SHB: variants seen among roughly 807,000 people sequenced by gnomAD.
SHB encodes the protein SH2 domain-containing adapter protein B.
SHB carries 20 observed loss-of-function variants against 52.3 expected under a neutral mutation model. The observed-to-expected ratio is 0.38, with a 90% CI of 0.27 to 0.56. The LOEUF is 0.56. SHB is among the 20% of genes least tolerant of loss of function. The pLI, the probability that SHB is intolerant of heterozygous loss-of-function variation, is 0.71. For missense variants in SHB, 825 were observed against 723.3 expected, an observed-to-expected ratio of 1.14 and a Z score of -1.61; for synonymous variants, 397 against 316.5, an observed-to-expected ratio of 1.25 and a Z score of -2.70.
chr9:38,012,413 A>G (rs968008836), intron 2 of SHB, among the ~76,000 whole-genome samples: 15 of 152,274 alleles, frequency 9.9e-5, no homozygotes, highest in African/African-American at 3.4e-4. Flanking sequence ...CCTATACTCC[A>G]AAGGGTAATG....
At chr9:38,029,478 A>G (rs1434074239) in intron 1 of SHB, among the ~76,000 whole-genome samples, 1 of 151,872 alleles carries the variant, frequency 6.6e-6, no homozygotes, top group Non-Finnish European at 1.5e-5. Context: ...TGGGGTTGCT[A>G]TGAGATTTTT....
At chr9:38,030,204 GC>G (rs1242146795) in intron 1 of SHB, among the ~76,000 whole-genome samples, 28 of 152,316 alleles carry the variant, frequency 1.8e-4, no homozygotes, top group Admixed American at 1.6e-3. Context: ...ACCCAACCAA[GC>G]CCACACAGGT....
At chr9:37,996,039 T>G (rs1288548443) in intron 2 of SHB, among the ~76,000 whole-genome samples, 1 of 152,228 alleles carries the variant, frequency 6.6e-6, no homozygotes, top group Non-Finnish European at 1.5e-5. Context: ...TAAAATGAAA[T>G]GTACCAGGGT....
intron 3 of SHB, among the ~76,000 whole-genome samples, chr9:37,972,774 A>G (rs1820606804): frequency 6.6e-6 from 1 of 152,172 alleles, no homozygotes; most frequent in Admixed American, 6.5e-5. Flanking sequence ...ACTGTGAGTA[A>G]TCTGTGTTGG....
intron 5 of SHB, among the ~76,000 whole-genome samples, chr9:37,936,103 C>G (rs1025575708): frequency 6.6e-6 from 1 of 151,714 alleles, no homozygotes; most frequent in African/African-American, 2.4e-5. Flanking sequence ...GTAATCCCAG[C>G]TACTCTGGAG....
At chr9:37,935,051 C>T (rs1207920056) in intron 5 of SHB, among the ~76,000 whole-genome samples, 1 of 152,158 alleles carries the variant, frequency 6.6e-6, no homozygotes, top group Non-Finnish European at 1.5e-5. Context: ...AGGGTTGGAA[C>T]AATTCAGAAC....
intron 5 of SHB, among the ~76,000 whole-genome samples, chr9:37,925,054 C>A (rs532544096): frequency 6.6e-6 from 1 of 152,330 alleles, no homozygotes; most frequent in East Asian, 1.9e-4. Context: ...GAGCCTTAGC[C>A]CCCTCTGGCC....
intron 2 of SHB, among the ~76,000 whole-genome samples, chr9:37,981,960 G>A (rs1820732663): frequency 6.6e-6 from 1 of 152,052 alleles, no homozygotes; most frequent in Non-Finnish European, 1.5e-5. Context: ...CACCGTAACA[G>A]CTATAATAAT....
chr9:37,991,634 A>G lies in SHB; in HGVS notation c.839-16797T>C, dbSNP rs529885856. ...TGATGAAAGATTTCCCTAAAAACAC[A>G]GCTACAAGGACAGGCCTAATGACTT... On this transcript the variant is annotated intron_variant, in intron 2 of 5. Transcript: ENST00000377707. Among the ~76,000 whole-genome samples the G allele has an allele frequency of 4.6e-5, 7 of 152,304 alleles. No homozygotes were observed. The South Asian group carries it at 1.4e-3, about 32-fold the overall frequency.
chr9:37,952,433 G>A (rs1164237465), intron 4 of SHB, among the ~76,000 whole-genome samples: 1 of 152,196 alleles, frequency 6.6e-6, no homozygotes, highest in Admixed American at 6.5e-5. Context: ...AATGACCCAG[G>A]CACTGTGAGC....
rs567152155 is a variant in SHB, at chr9:38,067,450, A to G, written c.717+479T>C. 2.6e-5 allele frequency among the ~76,000 whole-genome samples: 4 copies of G among 152,268 alleles called. No individual in the cohort carries two copies. The East Asian group carries it at 7.7e-4, about 29-fold the overall frequency. On this transcript the variant is annotated intron_variant, in intron 1 of 5. Coordinates refer to ENST00000377707, the MANE Select transcript of SHB (RefSeq NM_003028.3). ...GGGCAGCCGCGAGAGATTTACATAT[A>G]CACGCTGGAGACAGCCGGTCCGGAT...
At position 38,068,512 on chromosome 9, in the gene SHB, G is replaced by T. The variant is rs1260466276; in HGVS notation, c.134C>A (p.Pro45Gln). The T allele has an allele frequency of 1.3e-6, 2 of 1,482,912 alleles. No individual in the cohort carries two copies. Among genetic ancestry groups the T allele is most frequent in the East Asian group, 5.6e-5 (2 of 35,672 alleles). The allele number at this position is 1,482,912 out of a possible 1,614,324, so 91.9% of individuals were successfully genotyped here. A position where few individuals can be genotyped will look rare whatever the true frequency, so the allele number is the denominator to read the frequency against. ...CGCCGAGGCGGCGGAGGAGGCCTGC[G>T]GCACGGCCTGGGGGGGCTGCGAAGG... ...ERPSQPPQAVPQASSAASASC... is the reference protein window; with the variant it reads ...ERPSQPPQAVQQASSAASASC... Residue 45 changes from proline to glutamine, a missense_variant, in exon 1 of 6, where the codon CCG (proline) becomes CAG (glutamine). Transcript: ENST00000377707.
chr9:37,966,400 CT>C (rs984115764), intron 3 of SHB, among the ~76,000 whole-genome samples: 5 of 152,008 alleles, frequency 3.3e-5, no homozygotes, highest in Non-Finnish European at 5.9e-5. Flanking sequence ...TTTTCCTCTC[CT>C]TTTTTTAAGA....
chr9:38,042,517 G>A lies in SHB; in HGVS notation c.717+25412C>T, dbSNP rs1821597631. Among the ~76,000 whole-genome samples, 3 of 152,198 alleles carry A rather than the reference G, an allele frequency of 2.0e-5. No individual in the cohort carries two copies. In the South Asian group the frequency reaches 6.2e-4, roughly 32 times the overall value. On this transcript the variant is annotated intron_variant, in intron 1 of 5. Coordinates refer to ENST00000377707, the MANE Select transcript of SHB (RefSeq NM_003028.3). ...GGAATCCCCAGTCTCTCTGCCTCCT[G>A]GGGCAGCTCAAAGCAAGCTGGAAAG...
intron 5 of SHB, among the ~76,000 whole-genome samples, chr9:37,924,132 G>A (rs1314728362): frequency 2.6e-5 from 4 of 152,238 alleles, no homozygotes; most frequent in Non-Finnish European, 5.9e-5. Context: ...TGGGTGACCT[G>A]TCTAATGAGT....
intron 1 of SHB, among the ~76,000 whole-genome samples, chr9:38,028,672 G>A (rs1821375602): frequency 6.6e-6 from 1 of 152,230 alleles, no homozygotes; most frequent in South Asian, 2.1e-4. Context: ...CATACTAACA[G>A]CCAGTGAAAG....
At chr9:38,036,762 A>C (rs2118128302) in intron 1 of SHB, among the ~76,000 whole-genome samples, 1 of 152,272 alleles carries the variant, frequency 6.6e-6, no homozygotes, top group Non-Finnish European at 1.5e-5. Context: ...AATACAAGAA[A>C]TACTGAGAGC....
rs191148617 is a variant in SHB at position 38,064,669 on chromosome 9, G to A, written c.717+3260C>T. 7.9e-5 allele frequency among the ~76,000 whole-genome samples: 12 copies of A among 152,278 alleles called. No individual in the cohort carries two copies. In the East Asian group the frequency reaches 2.1e-3, roughly 27 times the overall value. On this transcript the variant is annotated intron_variant, in intron 1 of 5. Transcript: ENST00000377707. ...ATGAAATTCCTGTCAATCTCCTCCA[G>A]GAGCTCAGGCCAGAGATCATGGACA...
chr9:37,990,653 T>C (rs558403589), intron 2 of SHB, among the ~76,000 whole-genome samples: 13 of 152,362 alleles, frequency 8.5e-5, no homozygotes, highest in African/African-American at 3.1e-4. Context: ...GTTCCACTTT[T>C]AGAAACCTAC....
Sources: allele counts gnomAD v4.1 joint callset (sites outside exome capture counted in the v4.1 genomes callset), GRCh38; gene constraint gnomAD v4.1.1; transcripts MANE v1.5; gene names NCBI Gene and HGNC (gene_info 2026-07-23, HGNC 2026-07-21).